DSCAM: variants seen among roughly 807,000 people sequenced by gnomAD.
The protein encoded by DSCAM is DS cell adhesion molecule, also known as cell adhesion molecule DSCAM.
A neutral mutation model predicts 217.7 loss-of-function variants in DSCAM; 47 were observed. That is an observed-to-expected ratio of 0.22 (90% CI 0.17 to 0.28). DSCAM has a LOEUF of 0.28. DSCAM is among the 10% of genes least tolerant of loss of function. The pLI, the probability that DSCAM is intolerant of heterozygous loss-of-function variation, is 1.00. For missense variants in DSCAM, 2,080 were observed against 2,618.3 expected (o/e 0.79, Z 4.49); for synonymous variants, 1,056 against 1,015.3 (o/e 1.04, Z -0.76).
chr21:40,296,278 G>C, intron 9 of DSCAM, 104 bp from the exon 10 acceptor site: 1 of 1,348,212 alleles, frequency 7.4e-7, no homozygotes, highest in Non-Finnish European at 1.0e-6. Flanking sequence ...AAAATATGAA[G>C]ACTGTTTCAT....
intron 1 of DSCAM, among the ~76,000 whole-genome samples, chr21:40,794,542 G>A (rs1206762847): frequency 3.2e-4 from 44 of 138,226 alleles, no homozygotes; most frequent in Admixed American, 3.6e-4. Flanking sequence ...AGTCAAATTG[G>A]AAAAAAAAAA....
intron 3 of DSCAM, among the ~76,000 whole-genome samples, chr21:40,591,998 A>G (rs746265504): frequency 3.9e-5 from 6 of 152,224 alleles, no homozygotes; most frequent in Non-Finnish European, 7.3e-5. Context: ...GCCTTCTGGC[A>G]TTCAGAATTG....
At chr21:40,780,415 G>GTATATATATATATATATATATA (rs1392958197) in intron 1 of DSCAM, among the ~76,000 whole-genome samples, 1 of 44,186 alleles carries the variant, frequency 2.3e-5, no homozygotes, top group Non-Finnish European at 3.7e-5. Context: ...GTGTGTGTGT[G>GTATATATATATATATATATATA]TGTGTGTGTA....
At chr21:40,842,878 T>C (rs764738807) in intron 1 of DSCAM, among the ~76,000 whole-genome samples, 19 of 152,068 alleles carry the variant, frequency 1.2e-4, no homozygotes, top group Non-Finnish European at 2.2e-4. Flanking sequence ...CCACTGGCAT[T>C]TATTGAAGGT....
intron 11 of DSCAM, among the ~76,000 whole-genome samples, chr21:40,231,312 T>C (rs559318125): frequency 6.6e-6 from 1 of 151,738 alleles, no homozygotes; most frequent in Non-Finnish European, 1.5e-5. Flanking sequence ...CCACCAACAC[T>C]GTACCAAAAT....
At chr21:40,062,532 C>T (rs974505175) in intron 28 of DSCAM, among the ~76,000 whole-genome samples, 2 of 152,178 alleles carry the variant, frequency 1.3e-5, no homozygotes, top group Admixed American at 1.3e-4. Flanking sequence ...AGAAAGAAGG[C>T]TTGACCTCAC....
intron 3 of DSCAM, among the ~76,000 whole-genome samples, chr21:40,638,089 T>C (rs983671689): frequency 6.6e-6 from 1 of 152,184 alleles, no homozygotes; most frequent in African/African-American, 2.4e-5. Context: ...GAACTTAGTC[T>C]TTCTTAGGTG....
At chr21:40,635,076 G>A (rs994334475) in intron 3 of DSCAM, among the ~76,000 whole-genome samples, 1 of 152,160 alleles carries the variant, frequency 6.6e-6, no homozygotes, top group Non-Finnish European at 1.5e-5. Flanking sequence ...GTACTTCTGT[G>A]TTAAATGAAA....
At chr21:40,374,097 T>C (rs1181201156) in intron 3 of DSCAM, among the ~76,000 whole-genome samples, 1 of 152,170 alleles carries the variant, frequency 6.6e-6, no homozygotes, top group African/African-American at 2.4e-5. Context: ...GATATGTTCA[T>C]CATCTTGATG....
chr21:40,243,093 G>C (rs2146945781), intron 11 of DSCAM, among the ~76,000 whole-genome samples: 1 of 152,268 alleles, frequency 6.6e-6, no homozygotes, highest in South Asian at 2.1e-4. Context: ...GAGTGATCTG[G>C]TCTGTGCTTT....
chr21:40,087,204 C>G lies in DSCAM; in HGVS notation c.3934G>C (p.Asp1312His), dbSNP rs1469523847. The change falls in exon 22 of 33, where the codon GAC (aspartate) becomes CAC (histidine). Residue 1312 changes from aspartate (D) to histidine (H), a missense_variant. Asp to His is a moderately conservative substitution (Grantham distance 81, BLOSUM62 -1). Coordinates refer to ENST00000400454, the MANE Select transcript of DSCAM (RefSeq NM_001389.5). ...ATCCATTTGACTGCAGGAGAAGGGT[C>G]CCCAACAGCCTTACAAGGCAAGACA... is the stretch of plus-strand genomic sequence containing the variant. ...DIVLPCKAVG[D>H]PSPAVKWMKD... 1.2e-6 allele frequency: 2 copies of G among 1,613,960 alleles called. No individual in the cohort carries two copies. The highest frequency in any genetic ancestry group is 8.5e-7 in the Non-Finnish European group (1 of 1,179,964).
At chr21:40,659,579 T>C (rs2090116753) in intron 3 of DSCAM, among the ~76,000 whole-genome samples, 1 of 152,226 alleles carries the variant, frequency 6.6e-6, no homozygotes, top group South Asian at 2.1e-4. Flanking sequence ...TATGTATCTA[T>C]CTTTCATCTA....
At chr21:40,032,530 A>G (rs762018440) in intron 32 of DSCAM, among the ~76,000 whole-genome samples, 1 of 152,090 alleles carries the variant, frequency 6.6e-6, no homozygotes, top group African/African-American at 2.4e-5. Flanking sequence ...CACATTATTT[A>G]TTTAGGGTTT....
At position 40,155,464 on chromosome 21, in the gene DSCAM, G is replaced by A. The variant is rs2090466208; in HGVS notation, c.3019-10733C>T. Among the ~76,000 whole-genome samples, 2 of 152,188 alleles carry A rather than the reference G, an allele frequency of 1.3e-5. 1 individual carries two copies. The highest frequency in any genetic ancestry group is 4.8e-5 in the African/African-American group (2 of 41,454). ...CCCAACCCAGAGTAGCCCCTCTGCA[G>A]GTAATGGAGGCCCTGTAACGGCAGT... On this transcript the variant is annotated intron_variant, in intron 16 of 32. Transcript: ENST00000400454.
intron 3 of DSCAM, among the ~76,000 whole-genome samples, chr21:40,655,792 G>A (rs2090068538): frequency 6.6e-6 from 1 of 152,088 alleles, no homozygotes; most frequent in African/African-American, 2.4e-5. Flanking sequence ...GGTAGGTCAT[G>A]CCTATAATCC....
At chr21:40,774,197 C>G (rs899026530) in intron 1 of DSCAM, among the ~76,000 whole-genome samples, 3 of 152,304 alleles carry the variant, frequency 2.0e-5, no homozygotes. Context: ...TTTTTTCTCT[C>G]TCTCTGAGAT....
intron 1 of DSCAM, among the ~76,000 whole-genome samples, chr21:40,750,554 G>A (rs997656908): frequency 2.0e-5 from 3 of 151,972 alleles, no homozygotes; most frequent in Non-Finnish European, 2.9e-5. Flanking sequence ...AAGGTTTTTA[G>A]TATCATCTCC....
chr21:40,708,648 A>G lies in DSCAM; in HGVS notation c.167T>C (p.Leu56Pro), dbSNP rs201058700. The G allele has an allele frequency of 4.3e-6, 7 of 1,613,528 alleles. No individual in the cohort carries two copies. Among genetic ancestry groups the G allele is most frequent in the Non-Finnish European group, 5.9e-6 (7 of 1,179,768 alleles). Reference protein sequence around the residue: ...CPAAGIPPVTLRWYLATGEEI... With the variant: ...CPAAGIPPVTPRWYLATGEEI... ...CTCGCCCGTGGCTAGGTACCATCTG[A>G]GAGTCACAGGAGGGATGCCTGCTGC... is the stretch of plus-strand genomic sequence containing the variant. The change falls in exon 2 of 33, where the codon CTC (leucine) becomes CCC (proline). Residue 56 changes from leucine to proline, a missense_variant. Coordinates refer to ENST00000400454, the MANE Select transcript of DSCAM (RefSeq NM_001389.5).
chr21:40,820,677 C>T (rs2091917468), intron 1 of DSCAM, among the ~76,000 whole-genome samples: 1 of 151,936 alleles, frequency 6.6e-6, no homozygotes, highest in African/African-American at 2.4e-5. Flanking sequence ...AAAAAATTAT[C>T]TTATGGTTGA....
Sources: gnomAD v4.1 joint callset for allele counts (sites outside exome capture counted in the v4.1 genomes callset) on GRCh38, gnomAD v4.1.1 for gene constraint, MANE v1.5 for transcripts, NCBI Gene and HGNC (gene_info 2026-07-23, HGNC 2026-07-21) for gene names.